PCDHGA3: variants seen among roughly 807,000 people sequenced by gnomAD.
The protein encoded by PCDHGA3 is protocadherin gamma subfamily A, 3.
PCDHGA3 carries 40 observed loss-of-function variants against 58.5 expected under a neutral mutation model. The observed-to-expected ratio is 0.68, with a 90% CI of 0.53 to 0.89. The LOEUF is 0.89. PCDHGA3 is among the 40% of genes least tolerant of loss of function. The pLI, the probability that PCDHGA3 is intolerant of heterozygous loss-of-function variation, is 0.00. For synonymous variants in PCDHGA3, 530 were observed against 525.7 expected (o/e 1.01, Z -0.11); for missense variants, 1,223 against 1,195.9 (o/e 1.02, Z -0.33).
Position 141,485,606 on chromosome 5 carries a change from G to T in PCDHGA3, c.2425-9201G>T, listed in dbSNP as rs2099616630. On this transcript the variant is annotated intron_variant, in intron 1 of 3. Transcript: ENST00000253812. The surrounding 1 kb of genome is among the most constrained non-coding windows in gnomAD (Gnocchi z 5.7). ...GCAGCTGGACTTGGAAATTGGGGAG[G>T]CAGCTCCTCCAGGACAGCGTTTCCC... is the stretch of plus-strand genomic sequence containing the variant. 1.2e-6 allele frequency: 2 copies of T among 1,612,362 alleles called. No homozygotes were observed. The highest frequency in any genetic ancestry group is 4.5e-5 in the East Asian group (2 of 44,840).
At chr5:141,352,035 C>G in intron 1 of PCDHGA3, 1 of 1,608,896 alleles carries the variant, frequency 6.2e-7, no homozygotes, top group Non-Finnish European at 8.5e-7. Context: ...GCGGTGGACG[C>G]AGACTCAGGA....
At position 141,491,466 on chromosome 5, in the gene PCDHGA3, T is replaced by C; in HGVS notation, c.2425-3341T>C. The C allele has an allele frequency of 6.2e-7, 1 of 1,614,068 alleles. No homozygotes were observed. The highest frequency in any genetic ancestry group is 8.5e-7 in the Non-Finnish European group (1 of 1,179,986). ...AGGACTCACCCTCCCCGGACTTCTA[T>C]AAGCAGTCCAGCCCCAACCTGCAGG... On this transcript the variant is annotated intron_variant, in intron 1 of 3. Transcript: ENST00000253812. The surrounding 1 kb of genome is among the most constrained non-coding windows in gnomAD (Gnocchi z 6.9).
rs775247725 is a variant in PCDHGA3, at chr5:141,393,523, A to T, written c.2424+47066A>T. The T allele has an allele frequency of 2.0e-5, 33 of 1,613,900 alleles. No individual in the cohort carries two copies. Among genetic ancestry groups the T allele is most frequent in the Middle Eastern group, 1.6e-4 (1 of 6,084 alleles). ...CACGTGACAGTGTTGGATACAAATG[A>T]CAATGCCCCGGTTTTTCCTCACCCG... is the stretch of plus-strand genomic sequence containing the variant. On this transcript the variant is annotated intron_variant, in intron 1 of 3. Transcript: ENST00000253812.
intron 2 of PCDHGA3, among the ~76,000 whole-genome samples, chr5:141,503,797 G>A (rs2099831309): frequency 6.6e-6 from 1 of 152,006 alleles, no homozygotes; most frequent in South Asian, 2.1e-4. Context: ...ATCTACTTAG[G>A]GACGGGGAAT....
chr5:141,375,920 G>C, intron 1 of PCDHGA3: 1 of 1,613,748 alleles, frequency 6.2e-7, no homozygotes, highest in Non-Finnish European at 8.5e-7. Flanking sequence ...CAAGGCCAGC[G>C]AGCCAGGACT....
At chr5:141,375,106 T>A (rs1771135818) in intron 1 of PCDHGA3, 2 of 1,613,952 alleles carry the variant, frequency 1.2e-6, no homozygotes, top group East Asian at 4.5e-5. Context: ...TGGATGTCAA[T>A]GATAATGTAC....
chr5:141,410,847 G>GTTT (rs773839667), intron 1 of PCDHGA3: 4 of 158,330 alleles, frequency 2.5e-5, no homozygotes, highest in South Asian at 1.1e-4. Context: ...TTTTGTCTTT[G>GTTT]TCTTTTTTTT....
intron 1 of PCDHGA3, chr5:141,397,868 A>T (rs1331188362): frequency 1.4e-5 from 8 of 573,128 alleles, no homozygotes; most frequent in Non-Finnish European, 2.1e-5. Context: ...CCTAGTGCTG[A>T]CTCTGGGCGC....
rs1313971451 is a variant in PCDHGA3 at position 141,367,488 on chromosome 5, G to T, written c.2424+21031G>T. On this transcript the variant is annotated intron_variant, in intron 1 of 3. Transcript: ENST00000253812. ...GGAGGAGGAGCTTGCAGTAAGCCGAGATCGCGCCACTGCACTCCAGCCTGG... is the reference window on the plus strand; with the variant it reads ...GGAGGAGGAGCTTGCAGTAAGCCGATATCGCGCCACTGCACTCCAGCCTGG... 2.0e-5 allele frequency: 3 copies of T among 152,134 alleles called. No individual in the cohort carries two copies. In the East Asian group the frequency reaches 5.8e-4, roughly 29 times the overall value. The allele number at this position is 152,134 out of a possible 1,614,324, so 9.4% of individuals were successfully genotyped here.
chr5:141,418,869 T>A (rs1261615662), intron 1 of PCDHGA3: 1 of 1,613,830 alleles, frequency 6.2e-7, no homozygotes, highest in Non-Finnish European at 8.5e-7. Flanking sequence ...ATTGTAGAAG[T>A]TGTAGACGAA....
chr5:141,485,172 CA>C lies in PCDHGA3; in HGVS notation c.2425-9633del. 6.2e-7 allele frequency: 1 copy of C among 1,610,166 alleles called. No individual in the cohort carries two copies. Among genetic ancestry groups the C allele is most frequent in the Non-Finnish European group, 8.5e-7 (1 of 1,176,940 alleles). On this transcript the variant is annotated intron_variant, in intron 1 of 3. Coordinates refer to ENST00000253812, the MANE Select transcript of PCDHGA3 (RefSeq NM_018916.4). The surrounding 1 kb of genome is among the most constrained non-coding windows in gnomAD (Gnocchi z 5.7). ...CAAGTAGAGAATTAGCGGGCGGCAG[CA>C]ATGCTCCGCAAGGTGAGAAGCTGGA...
At chr5:141,410,100 G>A in intron 1 of PCDHGA3, 1 of 1,612,736 alleles carries the variant, frequency 6.2e-7, no homozygotes, top group Non-Finnish European at 8.5e-7. Context: ...CGAGCCTTAG[G>A]CGACAGGGAC....
chr5:141,448,329 A>T (rs1166759766), intron 1 of PCDHGA3, among the ~76,000 whole-genome samples: 1 of 152,146 alleles, frequency 6.6e-6, no homozygotes, highest in Non-Finnish European at 1.5e-5. Context: ...TTGAATCTTT[A>T]TAGCCATGTA....
intron 1 of PCDHGA3, among the ~76,000 whole-genome samples, chr5:141,425,915 C>G (rs537499239): frequency 1.3e-5 from 2 of 152,336 alleles, no homozygotes; most frequent in East Asian, 3.9e-4. Context: ...AAAACAGTCA[C>G]TACGAAAACT....
At chr5:141,374,236 T>C in intron 1 of PCDHGA3, 1 of 1,613,974 alleles carries the variant, frequency 6.2e-7, no homozygotes, top group Non-Finnish European at 8.5e-7. Flanking sequence ...TCGTCAAGGA[T>C]CTGGGACTGG....
At chr5:141,355,944 C>T (rs181172875) in intron 1 of PCDHGA3, 8 of 1,613,864 alleles carry the variant, frequency 5.0e-6, no homozygotes, top group Middle Eastern at 1.6e-4. Flanking sequence ...CCGAGTACCA[C>T]GTAAGTGTTC....
chr5:141,415,039 G>A (rs761101620), intron 1 of PCDHGA3: 1 of 1,613,486 alleles, frequency 6.2e-7, no homozygotes, highest in South Asian at 1.1e-5. Context: ...GGGACTCTTC[G>A]CGGTGGGGGA....
intron 1 of PCDHGA3, chr5:141,374,451 T>C: frequency 6.2e-7 from 1 of 1,613,730 alleles, no homozygotes; most frequent in Non-Finnish European, 8.5e-7. Flanking sequence ...GAAGTGGAAA[T>C]AGTGGACATT....
intron 1 of PCDHGA3, chr5:141,395,210 A>T (rs200048432): frequency 1.9e-6 from 3 of 1,613,418 alleles, no homozygotes; most frequent in Non-Finnish European, 2.5e-6. Context: ...ATTTTCATGA[A>T]TATAAGAATG....
Sources: gnomAD v4.1 joint callset for allele counts (sites outside exome capture counted in the v4.1 genomes callset) on GRCh38, gnomAD v4.1.1 for gene constraint, Gnocchi (gnomAD v3.1) non-coding constraint, MANE v1.5 for transcripts, NCBI Gene and HGNC (gene_info 2026-07-23, HGNC 2026-07-21) for gene names.